The following GLIS3 variants were observed in gnomAD, a reference collection of about 807,000 sequenced individuals.
GLIS3 encodes the protein zinc finger protein GLIS3.
GLIS3 carries 53 observed loss-of-function variants against 78.6 expected under a neutral mutation model. The ratio of observed to expected loss-of-function variants is 0.67; its 90% CI spans 0.54 to 0.85. GLIS3 has a LOEUF of 0.85. Ranked by LOEUF, GLIS3 falls within the 40% of genes least tolerant of loss-of-function variation. The pLI is 0.00. For synonymous variants in GLIS3, 684 were observed against 509.9 expected, an observed-to-expected ratio of 1.34 and a Z score of -4.60; for missense variants, 1,703 against 1,231.1, an observed-to-expected ratio of 1.38 and a Z score of -5.74.
At chr9:4,330,673 A>AGAGGTGGAGATGAAGGTTGAGATG (rs1817672376) in intron 2 of GLIS3, among the ~76,000 whole-genome samples, 1 of 151,376 alleles carries the variant, frequency 6.6e-6, no homozygotes, top group Non-Finnish European at 1.5e-5. Flanking sequence ...GGAGATGAAG[A>AGAGGTGGAGATGAAGGTTGAGATG]GAGGTGGAGA....
At chr9:3,965,671 G>A (rs1817888020) in intron 4 of GLIS3, among the ~76,000 whole-genome samples, 1 of 152,198 alleles carries the variant, frequency 6.6e-6, no homozygotes, top group Non-Finnish European at 1.5e-5. Flanking sequence ...AGGAGTGGAA[G>A]GCGCTGCTTC....
chr9:3,827,663 A>G lies in GLIS3; in HGVS notation c.*609T>C, dbSNP rs911243660. 1 of 155,012 alleles carries G rather than the reference A, an allele frequency of 6.5e-6. No individual in the cohort carries two copies. Among genetic ancestry groups the G allele is most frequent in the African/African-American group, 2.4e-5 (1 of 41,456 alleles). The allele number at this position is 155,012 out of a possible 1,614,324, so 9.6% of individuals were successfully genotyped here. A position where few individuals can be genotyped will look rare whatever the true frequency, so the allele number is the denominator to read the frequency against. On this transcript the variant is annotated 3_prime_UTR_variant, in exon 11 of 11. Transcript: ENST00000381971. ...AACTAAGTCTTTAAAATGCAAAAAC[A>G]AGGATAGGCTGCTGGCATATAAAAC...
intron 4 of GLIS3, among the ~76,000 whole-genome samples, chr9:4,055,149 G>A (rs1463125026): frequency 6.6e-6 from 1 of 152,156 alleles, no homozygotes; most frequent in African/African-American, 2.4e-5. Context: ...AACCAAGAAT[G>A]AACAGTGCAA....
rs965077053 is a variant in GLIS3, at chr9:4,285,031, T to C, written c.388+1007A>G. 3.3e-5 allele frequency among the ~76,000 whole-genome samples: 5 copies of C among 152,332 alleles called. 1 individual carries two copies. Among genetic ancestry groups the C allele is most frequent in the East Asian group, 1.9e-4 (1 of 5,192 alleles). On this transcript the variant is annotated intron_variant, in intron 2 of 10. Transcript: ENST00000381971. ...AGAAATACACAGACTCTAAAACAAC[T>C]TTTTGGCTACTTGACTGATAGAAAT...
At chr9:4,233,650 G>T (rs924657344) in intron 2 of GLIS3, among the ~76,000 whole-genome samples, 4 of 152,150 alleles carry the variant, frequency 2.6e-5, no homozygotes, top group African/African-American at 7.2e-5. Flanking sequence ...TTTTCAAAAT[G>T]GTAAATGAAC....
chr9:4,387,151 G>T, the GLIS3 span, among the ~76,000 whole-genome samples: 2 of 152,204 alleles, frequency 1.3e-5, no homozygotes, highest in Non-Finnish European at 2.9e-5. Flanking sequence ...GTTTGTTATA[G>T]AGATGTGCAG....
intron 4 of GLIS3, among the ~76,000 whole-genome samples, chr9:3,940,441 C>A (rs1815795409): frequency 6.6e-6 from 1 of 152,082 alleles, no homozygotes; most frequent in African/African-American, 2.4e-5. Flanking sequence ...GATCTAAGGT[C>A]AAAACTGTCA....
chr9:4,400,752 A>G, the GLIS3 span, among the ~76,000 whole-genome samples: 4 of 152,172 alleles, frequency 2.6e-5, no homozygotes, highest in East Asian at 5.8e-4. Context: ...GGCTCTGGGC[A>G]GAGTCATGAG....
intron 4 of GLIS3, among the ~76,000 whole-genome samples, chr9:4,067,795 C>T (rs1827227333): frequency 1.1e-5 from 1 of 94,912 alleles, no homozygotes; most frequent in African/African-American, 4.0e-5. Flanking sequence ...AAACCATGAA[C>T]ATTAGAGCAA....
At chr9:4,448,981 C>A in the GLIS3 span, among the ~76,000 whole-genome samples, 43,201 of 152,008 alleles carry the variant, frequency 0.28, 6,765 homozygotes, top group South Asian at 0.39. Context: ...ACAGTGGGTG[C>A]AGCCTATGGA....
intron 3 of GLIS3, among the ~76,000 whole-genome samples, chr9:4,124,938 C>G (rs1373411644): frequency 6.6e-6 from 1 of 152,192 alleles, no homozygotes; most frequent in African/African-American, 2.4e-5. Context: ...TTATTTCAAA[C>G]ATAGACACAG....
intron 6 of GLIS3, among the ~76,000 whole-genome samples, chr9:3,910,488 C>G (rs1824060254): frequency 6.6e-6 from 1 of 152,104 alleles, no homozygotes; most frequent in African/African-American, 2.4e-5. Flanking sequence ...TAGCTGAGAC[C>G]ACAGGCATGG....
chr9:4,430,754 A>G, the GLIS3 span, among the ~76,000 whole-genome samples: 5 of 152,286 alleles, frequency 3.3e-5, no homozygotes, highest in Admixed American at 1.3e-4. Flanking sequence ...AAAAAAAAAT[A>G]CAATCCAAAG....
intron 2 of GLIS3, among the ~76,000 whole-genome samples, chr9:4,325,090 A>C (rs1050112486): frequency 4.6e-5 from 7 of 152,202 alleles, no homozygotes; most frequent in African/African-American, 1.7e-4. Context: ...CAGGCCACAC[A>C]GCTGGTAAGT....
intron 8 of GLIS3, among the ~76,000 whole-genome samples, chr9:3,864,117 T>C (rs573277697): frequency 5.1e-4 from 78 of 152,252 alleles, no homozygotes; most frequent in African/African-American, 1.8e-3. Flanking sequence ...AGAGTGGTCC[T>C]AGACATTTGA....
intron 2 of GLIS3, among the ~76,000 whole-genome samples, chr9:4,329,368 G>C (rs1215374544): frequency 2.6e-5 from 4 of 152,072 alleles, no homozygotes; most frequent in Admixed American, 6.6e-5. Flanking sequence ...TGACGTCAGA[G>C]TAATTCTCCA....
chr9:4,332,427 A>G (rs996108539), intron 2 of GLIS3, among the ~76,000 whole-genome samples: 2 of 152,198 alleles, frequency 1.3e-5, no homozygotes, highest in Non-Finnish European at 2.9e-5. Flanking sequence ...CCTTCCTTAT[A>G]GCTGAGTATG....
At chr9:4,307,570 C>T (rs939757708) in intron 4 of GLIS3, among the ~76,000 whole-genome samples, 2 of 152,094 alleles carry the variant, frequency 1.3e-5, no homozygotes, top group African/African-American at 4.8e-5. Context: ...CACATCCTAA[C>T]TCCTGGAACC....
chr9:4,387,470 T>A, the GLIS3 span, among the ~76,000 whole-genome samples: 1 of 152,168 alleles, frequency 6.6e-6, no homozygotes, highest in Non-Finnish European at 1.5e-5. Flanking sequence ...GCTCTTGTCG[T>A]TCAAATTGGA....
Sources: gnomAD v4.1 joint callset for allele counts (sites outside exome capture counted in the v4.1 genomes callset) on GRCh38, gnomAD v4.1.1 for gene constraint, MANE v1.5 for transcripts, NCBI Gene and HGNC (gene_info 2026-07-23, HGNC 2026-07-21) for gene names.